The following AGPS variants were observed in gnomAD, a reference collection of about 807,000 sequenced individuals.
AGPS encodes alkylglycerone phosphate synthase, also known as alkyldihydroxyacetonephosphate synthase, peroxisomal.
A neutral mutation model predicts 90.7 loss-of-function variants in AGPS; 26 were observed. The ratio of observed to expected loss-of-function variants is 0.29; its 90% CI spans 0.21 to 0.40. The LOEUF (loss-of-function observed/expected upper bound fraction) is 0.40, where lower values mean the gene tolerates loss of function less well. Among genes scored for constraint, AGPS ranks in the 10% least tolerant of loss-of-function variants. The probability of loss-of-function intolerance (pLI) is 1.00; values close to 1 mark genes in which losing one functional copy is unlikely to be tolerated. For missense variants in AGPS, 540 were observed against 816.1 expected (o/e 0.66, Z 4.12); for synonymous variants, 294 against 285.3 (o/e 1.03, Z -0.31).
At chr2:177,420,468 C>T in intron 2 of AGPS, 110 bp downstream of exon 2, 2 of 824,844 alleles carry the variant, frequency 2.4e-6, no homozygotes, top group South Asian at 2.8e-5. Flanking sequence ...TAAACATTAT[C>T]AACATTTTGC....
intron 1 of AGPS, among the ~76,000 whole-genome samples, chr2:177,413,130 C>A (rs1039922418): frequency 3.3e-5 from 5 of 152,122 alleles, no homozygotes; most frequent in African/African-American, 1.2e-4. Context: ...AGCTCCCATA[C>A]AATGGGAGGG....
intron 19 of AGPS, among the ~76,000 whole-genome samples, chr2:177,536,662 G>C (rs747290912): frequency 1.3e-5 from 2 of 152,040 alleles, no homozygotes; most frequent in African/African-American, 2.4e-5. Context: ...TCTGGTTTTA[G>C]AGCTATCTCA....
intron 12 of AGPS, among the ~76,000 whole-genome samples, chr2:177,495,132 A>T (rs1275535172): frequency 6.6e-6 from 1 of 152,200 alleles, no homozygotes; most frequent in East Asian, 1.9e-4. Context: ...TGTATATTGA[A>T]ATAATCCAAA....
chr2:177,482,505 AT>A (rs1687974816), intron 11 of AGPS, among the ~76,000 whole-genome samples: 1 of 151,970 alleles, frequency 6.6e-6, no homozygotes, highest in Non-Finnish European at 1.5e-5. Context: ...ATTGACTGTT[AT>A]GTGTCTTAAG....
At chr2:177,537,940 C>A in intron 19 of AGPS, 134 bp from the exon 20 acceptor site, 1 of 1,309,190 alleles carries the variant, frequency 7.6e-7, no homozygotes, top group Non-Finnish European at 1.1e-6. Flanking sequence ...CTCAATAAAT[C>A]AAATAAAGCA....
chr2:177,471,990 T>C (rs1353340425), intron 10 of AGPS, among the ~76,000 whole-genome samples: 1 of 152,112 alleles, frequency 6.6e-6, no homozygotes, highest in East Asian at 1.9e-4. Flanking sequence ...CTAATACTTT[T>C]GCAACTTAGA....
intron 1 of AGPS, among the ~76,000 whole-genome samples, chr2:177,413,167 A>G (rs748525493): frequency 6.6e-6 from 1 of 152,224 alleles, no homozygotes; most frequent in Non-Finnish European, 1.5e-5. Context: ...CCCAACAATT[A>G]CGGTTTACAA....
Position 177,398,576 on chromosome 2 carries a change from G to A in AGPS, c.260+5527G>A, listed in dbSNP as rs117693054. On this transcript the variant is annotated intron_variant, in intron 1 of 19. Coordinates refer to ENST00000264167, the MANE Select transcript of AGPS (RefSeq NM_003659.4). Reference sequence around the variant, plus strand: ...CTGGATTACCACATCTGATGTTCCCGGGGAGATATCTACTTACTATTCATC... The same window carrying A: ...CTGGATTACCACATCTGATGTTCCCAGGGAGATATCTACTTACTATTCATC... Among the ~76,000 whole-genome samples, 613 of 152,260 alleles carry A rather than the reference G, an allele frequency of 4.0e-3. 5 individuals carry two copies. The highest frequency in any genetic ancestry group is 0.032 in the East Asian group (167 of 5,188).
intron 8 of AGPS, among the ~76,000 whole-genome samples, chr2:177,446,852 GT>G (rs1182019908): frequency 6.6e-6 from 1 of 152,082 alleles, no homozygotes; most frequent in Non-Finnish European, 1.5e-5. Flanking sequence ...ACTTTTCAGT[GT>G]GCAATTTCAT....
intron 11 of AGPS, among the ~76,000 whole-genome samples, chr2:177,487,390 A>G (rs62182673): frequency 0.014 from 2,189 of 152,150 alleles, 30 homozygotes; most frequent in Non-Finnish European, 0.023. Flanking sequence ...TCTTCCCACT[A>G]CCTTTTGATG....
At chr2:177,446,319 A>C (rs2105644081) in intron 8 of AGPS, among the ~76,000 whole-genome samples, 1 of 151,982 alleles carries the variant, frequency 6.6e-6, no homozygotes, top group South Asian at 2.1e-4. Flanking sequence ...GCGCCTGGCT[A>C]ATTTTTTGTA....
chr2:177,446,367 T>C (rs1417393097), intron 8 of AGPS, among the ~76,000 whole-genome samples: 1 of 152,166 alleles, frequency 6.6e-6, no homozygotes, highest in East Asian at 1.9e-4. Context: ...GTCTCGGATC[T>C]CCTGACCTCG....
intron 2 of AGPS, among the ~76,000 whole-genome samples, chr2:177,432,256 G>A (rs1164251814): frequency 6.6e-6 from 1 of 152,180 alleles, no homozygotes; most frequent in South Asian, 2.1e-4. Context: ...AGCCCTATGG[G>A]AAAGTGATAA....
In AGPS at chr2:177,513,811, T is replaced by C; in HGVS notation, c.1608-8T>C. 1 of 1,601,788 alleles carries C rather than the reference T, an allele frequency of 6.2e-7. No homozygotes were observed. Among genetic ancestry groups the C allele is most frequent in the Admixed American group, 1.7e-5 (1 of 59,992 alleles). ...AACTTAATATTGTATTCATTTATCT[T>C]TTTTTAGGGTGGTAGATCTCTGTAG... is the stretch of plus-strand genomic sequence containing the variant. On this transcript the variant is annotated splice_region_variant and splice_polypyrimidine_tract_variant and intron_variant, in intron 16 of 19. Transcript: ENST00000264167.
chr2:177,487,723 A>G (rs901996007), intron 11 of AGPS, among the ~76,000 whole-genome samples: 3 of 152,150 alleles, frequency 2.0e-5, no homozygotes, highest in African/African-American at 7.2e-5. Context: ...TCTCTGAAGC[A>G]GAGAGAATAA....
At chr2:177,397,721 AT>A (rs767220775) in intron 1 of AGPS, among the ~76,000 whole-genome samples, 15 of 152,322 alleles carry the variant, frequency 9.8e-5, no homozygotes, top group Admixed American at 9.8e-4. Flanking sequence ...TACAAATGCC[AT>A]TTTAATAAAA....
intron 1 of AGPS, among the ~76,000 whole-genome samples, chr2:177,417,324 T>C (rs1237686259): frequency 6.6e-6 from 1 of 152,226 alleles, no homozygotes; most frequent in African/African-American, 2.4e-5. Flanking sequence ...ATAAGATGTA[T>C]ATGAAACATA....
chr2:177,498,309 G>A (rs188316099), intron 13 of AGPS, among the ~76,000 whole-genome samples: 182 of 151,444 alleles, frequency 1.2e-3, no homozygotes, highest in Non-Finnish European at 2.3e-3. Context: ...GTGTGAATTC[G>A]TTGGATATGG....
intron 1 of AGPS, among the ~76,000 whole-genome samples, chr2:177,406,174 A>G (rs923386764): frequency 2.0e-5 from 3 of 152,174 alleles, no homozygotes; most frequent in African/African-American, 7.2e-5. Flanking sequence ...CCACCAGCCT[A>G]GATGAAATCT....
Sources: allele counts gnomAD v4.1 joint callset (sites outside exome capture counted in the v4.1 genomes callset), GRCh38; gene constraint gnomAD v4.1.1; transcripts MANE v1.5; gene names NCBI Gene and HGNC (gene_info 2026-07-23, HGNC 2026-07-21).